Variants in TNIK observed in about 807,000 individuals in gnomAD.
TNIK encodes the protein TRAF2 and NCK interacting kinase.
Under a neutral mutation model 191.3 loss-of-function variants are expected in TNIK, and 49 were observed. The ratio of observed to expected loss-of-function variants is 0.26; its 90% CI spans 0.20 to 0.32. TNIK has a LOEUF of 0.32. Ranked by LOEUF, TNIK falls within the 10% of genes least tolerant of loss-of-function variation. The pLI, the probability that TNIK is intolerant of heterozygous loss-of-function variation, is 1.00. For missense variants in TNIK, 1,155 were observed against 1,702.3 expected, an observed-to-expected ratio of 0.68 and a Z score of 5.66; for synonymous variants, 594 against 600.9, an observed-to-expected ratio of 0.99 and a Z score of 0.17.
chr3:171,145,501 C>T (rs537473982), intron 12 of TNIK, among the ~76,000 whole-genome samples: 19 of 152,146 alleles, frequency 1.2e-4, no homozygotes, highest in Non-Finnish European at 7.4e-5. Flanking sequence ...GAATGCTCCC[C>T]TCACGCTACC....
At chr3:171,311,064 G>A (rs1753962636) in intron 2 of TNIK, among the ~76,000 whole-genome samples, 1 of 151,984 alleles carries the variant, frequency 6.6e-6, no homozygotes, top group South Asian at 2.1e-4. Flanking sequence ...TGGTGGGATG[G>A]TGAGAATGTA....
chr3:171,142,172 C>G (rs542706275), intron 12 of TNIK, among the ~76,000 whole-genome samples: 1 of 152,306 alleles, frequency 6.6e-6, no homozygotes, highest in South Asian at 2.1e-4. Flanking sequence ...TCTTGGATTG[C>G]AGGCGAAGGA....
rs1023800157 is a variant in TNIK, at chr3:171,400,045, C to T, written c.58-30360G>A. 7.5e-4 allele frequency among the ~76,000 whole-genome samples: 114 copies of T among 152,268 alleles called. 1 individual carries two copies. The highest frequency in any genetic ancestry group is 2.6e-3 in the African/African-American group (109 of 41,552). On this transcript the variant is annotated intron_variant, in intron 1 of 32. Transcript: ENST00000436636. The stretch of plus-strand genomic sequence containing the variant: ...CAGGACACAGCAGGAGTAAGGCTCT[C>T]ACAGGAATATACACCCTGGGTGCCC...
chr3:171,416,495 G>C (rs1374414213), intron 1 of TNIK, among the ~76,000 whole-genome samples: 1 of 151,876 alleles, frequency 6.6e-6, no homozygotes, highest in African/African-American at 2.4e-5. Context: ...GGGGAAGCTA[G>C]AAAATCGAAA....
chr3:171,425,744 C>T (rs1032958805), intron 1 of TNIK, among the ~76,000 whole-genome samples: 2 of 151,624 alleles, frequency 1.3e-5, no homozygotes, highest in Non-Finnish European at 2.9e-5. Flanking sequence ...AGGAGAATCC[C>T]TTGAACCCGG....
chr3:171,314,289 C>T (rs1475360236), intron 2 of TNIK, among the ~76,000 whole-genome samples: 1 of 152,134 alleles, frequency 6.6e-6, no homozygotes, highest in African/African-American at 2.4e-5. Context: ...GCCACAGTGG[C>T]CTATCTGGCC....
chr3:171,220,960 C>T (rs181016307), intron 3 of TNIK, among the ~76,000 whole-genome samples: 9 of 152,200 alleles, frequency 5.9e-5, no homozygotes, highest in South Asian at 2.1e-4. Context: ...CATGAACATG[C>T]GCAGAGACCC....
chr3:171,193,134 G>A (rs1251592371), intron 5 of TNIK, among the ~76,000 whole-genome samples: 3 of 152,284 alleles, frequency 2.0e-5, no homozygotes, highest in African/African-American at 7.2e-5. Context: ...ATGTGGGTCT[G>A]TTCCTGGACC....
At chr3:171,170,042 C>T (rs942472249) in intron 9 of TNIK, among the ~76,000 whole-genome samples, 3 of 152,134 alleles carry the variant, frequency 2.0e-5, no homozygotes, top group Non-Finnish European at 4.4e-5. Context: ...AAACACTTCA[C>T]CTATGTTGAA....
At chr3:171,084,768 T>TGTAC (rs1373554476) in intron 25 of TNIK, among the ~76,000 whole-genome samples, 1 of 152,188 alleles carries the variant, frequency 6.6e-6, no homozygotes, top group Non-Finnish European at 1.5e-5. Flanking sequence ...CTCAACACAA[T>TGTAC]GTACCATACA....
intron 1 of TNIK, among the ~76,000 whole-genome samples, chr3:171,432,752 T>A (rs1268223067): frequency 6.6e-6 from 1 of 152,152 alleles, no homozygotes; most frequent in Non-Finnish European, 1.5e-5. Flanking sequence ...TGCACGTGTA[T>A]AACATTCTCA....
At chr3:171,411,580 T>C (rs1467695937) in intron 1 of TNIK, among the ~76,000 whole-genome samples, 5 of 152,184 alleles carry the variant, frequency 3.3e-5, no homozygotes. Context: ...ATGGCTCACC[T>C]TTTTATACTG....
intron 23 of TNIK, among the ~76,000 whole-genome samples, chr3:171,089,690 T>G (rs1425770654): frequency 6.6e-6 from 1 of 152,222 alleles, no homozygotes; most frequent in Non-Finnish European, 1.5e-5. Flanking sequence ...TGCCAAGTAC[T>G]GTACTGGAAA....
intron 22 of TNIK, among the ~76,000 whole-genome samples, chr3:171,100,058 A>C (rs1723252418): frequency 6.6e-6 from 1 of 152,218 alleles, no homozygotes; most frequent in Non-Finnish European, 1.5e-5. Context: ...ACATAGTGAG[A>C]GTTTTAGCAA....
chr3:171,401,516 G>T (rs1577792429), intron 1 of TNIK, among the ~76,000 whole-genome samples: 2 of 152,032 alleles, frequency 1.3e-5, no homozygotes, highest in South Asian at 2.1e-4. Context: ...AGGGTTCAGG[G>T]TTCTCTCAAC....
At chr3:171,244,158 G>A (rs1022514980) in intron 2 of TNIK, among the ~76,000 whole-genome samples, 8 of 150,544 alleles carry the variant, frequency 5.3e-5, no homozygotes, top group Admixed American at 4.7e-4. Context: ...TCCGCCTCCC[G>A]GGTTCACACC....
At chr3:171,252,450 G>A (rs1297879428) in intron 2 of TNIK, among the ~76,000 whole-genome samples, 2 of 152,136 alleles carry the variant, frequency 1.3e-5, no homozygotes, top group Non-Finnish European at 2.9e-5. Context: ...AACTCATATC[G>A]TGTGCACGAC....
chr3:171,335,972 T>A (rs1756915017), intron 2 of TNIK, among the ~76,000 whole-genome samples: 2 of 152,200 alleles, frequency 1.3e-5, no homozygotes, highest in Admixed American at 1.3e-4. Context: ...AGTCATACAG[T>A]GCGTAGTGTA....
chr3:171,423,874 A>C (rs773113420), intron 1 of TNIK, among the ~76,000 whole-genome samples: 2 of 152,238 alleles, frequency 1.3e-5, no homozygotes, highest in Non-Finnish European at 2.9e-5. Flanking sequence ...GAAAACCATA[A>C]AAACCCTAGA....
Sources: gnomAD v4.1 joint callset for allele counts (sites outside exome capture counted in the v4.1 genomes callset) on GRCh38, gnomAD v4.1.1 for gene constraint, MANE v1.5 for transcripts, NCBI Gene and HGNC (gene_info 2026-07-23, HGNC 2026-07-21) for gene names.